DLGAP2: variants seen among roughly 807,000 people sequenced by gnomAD.
The protein encoded by DLGAP2 is DLG associated protein 2.
In DLGAP2, 26 loss-of-function variants were observed where a neutral mutation model predicts 100.3. The observed-to-expected ratio is 0.26, with a 90% confidence interval of 0.19 to 0.36. DLGAP2 has a LOEUF of 0.36. DLGAP2 is among the 10% of genes least tolerant of loss of function. The pLI is 1.00. For synonymous variants in DLGAP2, 886 were observed against 630.1 expected, an observed-to-expected ratio of 1.41 and a Z score of -6.08; for missense variants, 1,858 against 1,453.2, an observed-to-expected ratio of 1.28 and a Z score of -4.53.
At chr8:786,849 G>C (rs1412894576) in intron 1 of DLGAP2, among the ~76,000 whole-genome samples, 1 of 151,850 alleles carries the variant, frequency 6.6e-6, no homozygotes, top group Admixed American at 6.6e-5. Flanking sequence ...CTGTGAACGT[G>C]GCTTCTTGGA....
chr8:1,566,283 C>G (rs578019215), intron 6 of DLGAP2, among the ~76,000 whole-genome samples: 7 of 152,124 alleles, frequency 4.6e-5, no homozygotes, highest in Non-Finnish European at 7.4e-5. Flanking sequence ...TTGTTGTTGA[C>G]TATAACTTTG....
At chr8:1,505,813 A>G (rs1336791970) in intron 4 of DLGAP2, among the ~76,000 whole-genome samples, 1 of 152,162 alleles carries the variant, frequency 6.6e-6, no homozygotes, top group Non-Finnish European at 1.5e-5. Context: ...TAAGAATGGC[A>G]TTTTTTCATT....
At chr8:1,328,655 A>G (rs920949880) in intron 3 of DLGAP2, among the ~76,000 whole-genome samples, 6 of 152,286 alleles carry the variant, frequency 3.9e-5, no homozygotes, top group Admixed American at 6.5e-5. Flanking sequence ...CTGGCCTTAC[A>G]GTTAATATTC....
chr8:1,219,049 A>G (rs970893394), intron 2 of DLGAP2, among the ~76,000 whole-genome samples: 2 of 152,210 alleles, frequency 1.3e-5, no homozygotes, highest in African/African-American at 2.4e-5. Context: ...TTCTAGGTAT[A>G]GAATCATATA....
At chr8:1,644,439 T>C (rs979081577) in intron 8 of DLGAP2, among the ~76,000 whole-genome samples, 1 of 152,244 alleles carries the variant, frequency 6.6e-6, no homozygotes. Context: ...CCTCCATGCC[T>C]CTACGGCTGC....
intron 3 of DLGAP2, among the ~76,000 whole-genome samples, chr8:1,365,051 G>A (rs764721735): frequency 3.9e-5 from 6 of 152,192 alleles, no homozygotes; most frequent in African/African-American, 1.2e-4. Flanking sequence ...GAAGATTTAC[G>A]ACTGAGATGA....
chr8:1,175,564 T>A (rs1182523733), intron 2 of DLGAP2, among the ~76,000 whole-genome samples: 1 of 152,204 alleles, frequency 6.6e-6, no homozygotes, highest in Non-Finnish European at 1.5e-5. Flanking sequence ...TAGCTCTATA[T>A]GCGACTCCAT....
intron 3 of DLGAP2, among the ~76,000 whole-genome samples, chr8:1,375,998 TCCACG>T (rs1563114023): frequency 0.011 from 133 of 12,510 alleles, 12 homozygotes; most frequent in African/African-American, 0.053. Context: ...ACGACCCCTC[TCCACG>T]GCCTCAGAAC....
At chr8:1,492,778 T>G (rs959796233) in intron 3 of DLGAP2, among the ~76,000 whole-genome samples, 2 of 152,156 alleles carry the variant, frequency 1.3e-5, no homozygotes, top group Admixed American at 1.3e-4. Context: ...CGTGAAGACC[T>G]GTGTGCTACC....
intron 1 of DLGAP2, chr8:891,352 G>C (rs572760542): frequency 6.6e-6 from 1 of 152,552 alleles, no homozygotes; most frequent in Non-Finnish European, 1.5e-5. Flanking sequence ...AAACAGCAGA[G>C]GCCCAAAAGG....
chr8:778,879 C>G (rs914715566), intron 1 of DLGAP2, among the ~76,000 whole-genome samples: 1 of 152,268 alleles, frequency 6.6e-6, no homozygotes, highest in Non-Finnish European at 1.5e-5. Context: ...CCAGTTCGAG[C>G]TTCCCGGCTG....
At chr8:1,561,844 C>G (rs190165549) in intron 5 of DLGAP2, among the ~76,000 whole-genome samples, 1 of 22,868 alleles carries the variant, frequency 4.4e-5, no homozygotes, top group Non-Finnish European at 7.5e-5. Context: ...GTTGGGTGTC[C>G]GCGCCTCGTT....
At position 1,548,973 on chromosome 8, in the gene DLGAP2, G is replaced by A. The variant is rs760350104; in HGVS notation, c.520G>A (p.Asp174Asn). 1.5e-5 allele frequency: 24 copies of A among 1,598,920 alleles called. 1 individual carries two copies. The highest frequency in any genetic ancestry group is 1.1e-4 in the South Asian group (10 of 90,900). The change falls in exon 5 of 15, where the codon GAC becomes AAC. Residue 174 changes from aspartate (D) to asparagine (N), a missense_variant. Transcript: ENST00000637795. ...CTACAGCTCGCACTACGACACGCGC[G>A]ACGACTGCGCTGTGGCCCACGCGGG... ...MHYSSHYDTR[D>N]DCAVAHAGAK...
At chr8:958,256 A>G (rs1000298840) in intron 2 of DLGAP2, among the ~76,000 whole-genome samples, 1 of 151,496 alleles carries the variant, frequency 6.6e-6, no homozygotes, top group Non-Finnish European at 1.5e-5. Context: ...TTGTGTGGAC[A>G]CCCCCCCACC....
intron 3 of DLGAP2, among the ~76,000 whole-genome samples, chr8:1,291,291 G>C (rs1474747254): frequency 6.6e-6 from 1 of 152,038 alleles, no homozygotes; most frequent in Non-Finnish European, 1.5e-5. Flanking sequence ...TAACATGTAA[G>C]GATTCTCATG....
At chr8:892,510 C>CAGAA (rs1798056978) in intron 1 of DLGAP2, among the ~76,000 whole-genome samples, 1 of 152,010 alleles carries the variant, frequency 6.6e-6, no homozygotes, top group South Asian at 2.1e-4. Flanking sequence ...TTCATAGAGG[C>CAGAA]AGAAAGTAGA....
intron 3 of DLGAP2, among the ~76,000 whole-genome samples, chr8:1,291,293 A>T (rs1800052918): frequency 6.6e-6 from 1 of 152,176 alleles, no homozygotes; most frequent in South Asian, 2.1e-4. Flanking sequence ...ACATGTAAGG[A>T]TTCTCATGGA....
At chr8:1,347,124 C>T (rs570167100) in intron 3 of DLGAP2, among the ~76,000 whole-genome samples, 1 of 152,030 alleles carries the variant, frequency 6.6e-6, no homozygotes, top group Admixed American at 6.5e-5. Flanking sequence ...CCACACAGAG[C>T]TGCATTGCTC....
chr8:1,105,295 C>T (rs889113546), intron 2 of DLGAP2, among the ~76,000 whole-genome samples: 3 of 152,206 alleles, frequency 2.0e-5, no homozygotes, highest in African/African-American at 7.2e-5. Flanking sequence ...GACTCTACCA[C>T]AGTTGTGATT....
Sources: gnomAD v4.1 joint callset for allele counts (sites outside exome capture counted in the v4.1 genomes callset) on GRCh38, gnomAD v4.1.1 for gene constraint, MANE v1.5 for transcripts, NCBI Gene and HGNC (gene_info 2026-07-23, HGNC 2026-07-21) for gene names.